The following RAB3C variants were observed in gnomAD, a reference collection of about 807,000 sequenced individuals.
RAB3C encodes the protein RAB3C, member RAS oncogene family.
A neutral mutation model predicts 26.4 loss-of-function variants in RAB3C; 17 were observed. The ratio of observed to expected loss-of-function variants is 0.64; its 90% CI spans 0.44 to 0.97. The LOEUF is 0.97. Ranked by LOEUF, RAB3C falls within the 50% of genes least tolerant of loss-of-function variation. RAB3C has a pLI of 0.00. For synonymous variants in RAB3C, 91 were observed against 95.9 expected (o/e 0.95, Z 0.30); for missense variants, 242 against 281.9 (o/e 0.86, Z 1.01).
chr5:58,737,080 C>T (rs1741154158), intron 3 of RAB3C, among the ~76,000 whole-genome samples: 3 of 152,074 alleles, frequency 2.0e-5, no homozygotes, highest in African/African-American at 4.8e-5. Flanking sequence ...GCTTCTCTAC[C>T]CTCGTCTTCT....
At chr5:58,732,751 T>C (rs536708094) in intron 3 of RAB3C, among the ~76,000 whole-genome samples, 56 of 152,216 alleles carry the variant, frequency 3.7e-4, no homozygotes, top group Admixed American at 2.4e-3. Flanking sequence ...TTATGCTCTC[T>C]GAGGAAGACC....
chr5:58,805,737 T>G (rs1366525312), intron 3 of RAB3C, among the ~76,000 whole-genome samples: 1 of 151,926 alleles, frequency 6.6e-6, no homozygotes, highest in Non-Finnish European at 1.5e-5. Flanking sequence ...AGGAGTAGCA[T>G]GAAATATTCC....
At chr5:58,629,649 G>A (rs984323692) in intron 2 of RAB3C, among the ~76,000 whole-genome samples, 7 of 152,164 alleles carry the variant, frequency 4.6e-5, no homozygotes, top group African/African-American at 1.4e-4. Flanking sequence ...ATGGAAAAAA[G>A]GGGAGCGTTT....
chr5:58,619,470 A>G (rs1746889948), intron 2 of RAB3C, among the ~76,000 whole-genome samples: 1 of 152,164 alleles, frequency 6.6e-6, no homozygotes, highest in Non-Finnish European at 1.5e-5. Flanking sequence ...AAGGTTCCTT[A>G]ATTCTCAGGG....
intron 3 of RAB3C, among the ~76,000 whole-genome samples, chr5:58,739,980 C>T (rs979941364): frequency 3.9e-5 from 6 of 152,178 alleles, no homozygotes; most frequent in Admixed American, 3.9e-4. Flanking sequence ...AGTTGGTTTC[C>T]AAACTTTGTT....
chr5:58,838,241 G>A lies in RAB3C; in HGVS notation c.497-12923G>A, dbSNP rs1054076855. Reference sequence around the variant, plus strand: ...TAAAAATACAAAAAATTAGCCAGGCGTGGTGGCGGGCGCCTGTAGTCCCAG... The same window carrying A: ...TAAAAATACAAAAAATTAGCCAGGCATGGTGGCGGGCGCCTGTAGTCCCAG... On this transcript the variant is annotated intron_variant, in intron 4 of 4. Coordinates refer to ENST00000282878, the MANE Select transcript of RAB3C (RefSeq NM_138453.4). 3.4e-4 allele frequency among the ~76,000 whole-genome samples: 52 copies of A among 151,966 alleles called. 2 individuals carry two copies. Among genetic ancestry groups the A allele is most frequent in the South Asian group, 2.1e-4 (1 of 4,808 alleles).
intron 4 of RAB3C, among the ~76,000 whole-genome samples, chr5:58,838,378 C>CA (rs35356886): frequency 5.1e-4 from 72 of 141,638 alleles, no homozygotes; most frequent in East Asian, 4.1e-3. Flanking sequence ...GACTCCCTCT[C>CA]AAAAAAAAAA....
Position 58,596,819 on chromosome 5 carries a change from ATATAT to A in RAB3C, c.24+13593_24+13597del, listed in dbSNP as rs561694553. On this transcript the variant is annotated intron_variant, in intron 1 of 4. Transcript: ENST00000282878. Reference sequence around the variant, plus strand: ...ATAAATTTATAATATATAATACATAATATATTATATATAAATTTATAATATATAAT... The same window carrying A: ...ATAAATTTATAATATATAATACATAATATATATAAATTTATAATATATAAT... Among the ~76,000 whole-genome samples the A allele has an allele frequency of 0.015, 1,307 of 89,940 alleles. 100 individuals are homozygous for A. In the East Asian group the frequency reaches 0.15, roughly 10 times the overall value. 59.0% of individuals were successfully genotyped at this position (89,940 alleles called of 152,430 possible). A position where few individuals can be genotyped will look rare whatever the true frequency, so the allele number is the denominator to read the frequency against.
chr5:58,596,809 A>G (rs1157460730), intron 1 of RAB3C, among the ~76,000 whole-genome samples: 1 of 98,670 alleles, frequency 1.0e-5, no homozygotes, highest in East Asian at 3.5e-4. Context: ...TTTATAATAT[A>G]TAATACATAA....
chr5:58,653,300 A>G (rs2111790956), intron 2 of RAB3C, among the ~76,000 whole-genome samples: 1 of 152,326 alleles, frequency 6.6e-6, no homozygotes, highest in South Asian at 2.1e-4. Context: ...AGGAAACAAC[A>G]GATGCTGGAG....
intron 4 of RAB3C, among the ~76,000 whole-genome samples, chr5:58,826,549 T>C (rs1743486171): frequency 1.3e-5 from 2 of 152,118 alleles, no homozygotes; most frequent in Non-Finnish European, 2.9e-5. Context: ...AGTTTGACTT[T>C]TAACCTTTTT....
intron 1 of RAB3C, among the ~76,000 whole-genome samples, chr5:58,610,103 T>C (rs2111705429): frequency 6.6e-6 from 1 of 152,226 alleles, no homozygotes; most frequent in African/African-American, 2.4e-5. Context: ...TGACAGACTT[T>C]TGGAAATGCT....
chr5:58,693,850 C>T, intron 2 of RAB3C, among the ~76,000 whole-genome samples: 1 of 152,264 alleles, frequency 6.6e-6, no homozygotes, highest in African/African-American at 2.4e-5. Context: ...GAGTCACAGG[C>T]ATCTGGGGGC....
intron 1 of RAB3C, among the ~76,000 whole-genome samples, chr5:58,609,378 G>C (rs1243069955): frequency 6.6e-6 from 1 of 152,110 alleles, no homozygotes; most frequent in Non-Finnish European, 1.5e-5. Flanking sequence ...GCAGGGGAAA[G>C]GGGGAAGTAG....
intron 2 of RAB3C, among the ~76,000 whole-genome samples, chr5:58,628,443 G>A (rs1747112291): frequency 6.6e-6 from 1 of 152,138 alleles, no homozygotes; most frequent in African/African-American, 2.4e-5. Context: ...AGAGCAGTTA[G>A]GAAAGACCTG....
rs549168828 is a variant in RAB3C, at chr5:58,616,827, G to A, written c.25-816G>A. ...GATGCATTTCACAATGAATATTTCCGACATGATCTTCTAGGGCACTTGCGC... is the reference window on the plus strand; with the variant it reads ...GATGCATTTCACAATGAATATTTCCAACATGATCTTCTAGGGCACTTGCGC... On this transcript the variant is annotated intron_variant, in intron 1 of 4. Coordinates refer to ENST00000282878, the MANE Select transcript of RAB3C (RefSeq NM_138453.4). 2.0e-5 allele frequency among the ~76,000 whole-genome samples: 3 copies of A among 152,206 alleles called. No homozygotes were observed. In the East Asian group the frequency reaches 5.8e-4, roughly 29 times the overall value.
intron 2 of RAB3C, among the ~76,000 whole-genome samples, chr5:58,654,434 A>G (rs530566006): frequency 1.3e-5 from 2 of 152,208 alleles, no homozygotes; most frequent in South Asian, 2.1e-4. Flanking sequence ...AGATTATATG[A>G]CAGAGTATAT....
chr5:58,610,959 G>A (rs749265290), intron 1 of RAB3C, among the ~76,000 whole-genome samples: 13 of 151,716 alleles, frequency 8.6e-5, no homozygotes, highest in East Asian at 1.9e-4. Flanking sequence ...CTATGTGTCC[G>A]TGTGTTCTCA....
chr5:58,687,447 A>T (rs1423532964), intron 2 of RAB3C, among the ~76,000 whole-genome samples: 1 of 152,136 alleles, frequency 6.6e-6, no homozygotes, highest in East Asian at 1.9e-4. Context: ...GAAGGTAACT[A>T]ATTGTGGACT....
Sources: gnomAD v4.1 joint callset for allele counts (sites outside exome capture counted in the v4.1 genomes callset) on GRCh38, gnomAD v4.1.1 for gene constraint, MANE v1.5 for transcripts, NCBI Gene and HGNC (gene_info 2026-07-23, HGNC 2026-07-21) for gene names.